The following PHF21B variants were observed in gnomAD, a reference collection of about 807,000 sequenced individuals.
PHF21B encodes PHD finger protein 4.
A neutral mutation model predicts 62.2 loss-of-function variants in PHF21B; 22 were observed. The ratio of observed to expected loss-of-function variants is 0.35; its 90% confidence interval spans 0.25 to 0.51. PHF21B has a LOEUF of 0.51. Ranked by LOEUF, PHF21B falls within the 20% of genes least tolerant of loss-of-function variation. PHF21B has a pLI of 0.97. For synonymous variants in PHF21B, 341 were observed against 314.7 expected, an observed-to-expected ratio of 1.08 and a Z score of -0.88; for missense variants, 701 against 707.9, an observed-to-expected ratio of 0.99 and a Z score of 0.11.
chr22:44,938,711 A>C lies in PHF21B; in HGVS notation c.121-18221T>G, dbSNP rs984647926. Among the ~76,000 whole-genome samples the C allele has an allele frequency of 2.0e-5, 3 of 152,344 alleles. No homozygotes were observed. In the East Asian group the frequency reaches 5.8e-4, roughly 29 times the overall value. ...AAGATGCTTCATCTGGAATGGAATC[A>C]ATATTCATAGTTATGTCAATGAGGG... is the stretch of plus-strand genomic sequence containing the variant. On this transcript the variant is annotated intron_variant, in intron 2 of 12. Transcript: ENST00000313237.
At chr22:44,974,957 T>C (rs903234767) in intron 2 of PHF21B, among the ~76,000 whole-genome samples, 7 of 152,228 alleles carry the variant, frequency 4.6e-5, no homozygotes, top group African/African-American at 7.2e-5. Context: ...GGTGTTGTGA[T>C]GAGAAACAAA....
chr22:44,967,192 G>A (rs1293992100), intron 2 of PHF21B: 2 of 151,538 alleles, frequency 1.3e-5, no homozygotes, highest in South Asian at 4.2e-4. Flanking sequence ...GACAGAGGCC[G>A]GGCCACGACA....
chr22:45,001,974 G>C (rs2073228845), intron 2 of PHF21B: 1 of 152,210 alleles, frequency 6.6e-6, no homozygotes. Context: ...ATGAGCACGT[G>C]TTGCTTTTCT....
intron 5 of PHF21B, chr22:44,902,289 G>A (rs1267954490): frequency 1.2e-5 from 3 of 259,606 alleles, no homozygotes; most frequent in Non-Finnish European, 2.4e-5. Flanking sequence ...AAGATTACAG[G>A]GCAGCGCAAG....
At position 44,938,062 on chromosome 22, in the gene PHF21B, C is replaced by A. The variant is rs549735795; in HGVS notation, c.121-17572G>T. ...ATTTCAATGTATGCAAATTTTATCT[C>A]AAATTTTAAAAATCTATGTATTTTA... On this transcript the variant is annotated intron_variant, in intron 2 of 12. Transcript: ENST00000313237. Among the ~76,000 whole-genome samples the A allele has an allele frequency of 6.2e-4, 95 of 152,354 alleles. 1 individual carries two copies. The highest frequency in any genetic ancestry group is 2.3e-3 in the African/African-American group (94 of 41,582).
chr22:44,895,592 G>A (rs2071041682), intron 6 of PHF21B, among the ~76,000 whole-genome samples: 1 of 152,136 alleles, frequency 6.6e-6, no homozygotes, highest in African/African-American at 2.4e-5. Context: ...TTTTATACAT[G>A]AAGAGACTGA....
chr22:44,978,944 G>C (rs1212446578), intron 2 of PHF21B, among the ~76,000 whole-genome samples: 1 of 152,224 alleles, frequency 6.6e-6, no homozygotes, highest in Non-Finnish European at 1.5e-5. Context: ...TGGCCCCGGG[G>C]AGAAAACGCA....
intron 2 of PHF21B, among the ~76,000 whole-genome samples, chr22:44,965,410 C>G (rs1012174895): frequency 2.6e-5 from 4 of 152,084 alleles, no homozygotes; most frequent in African/African-American, 9.7e-5. Context: ...CACCATCTGT[C>G]CAGCCAGAAC....
At chr22:44,916,758 G>A in intron 3 of PHF21B, 128 bp from the exon 4 acceptor site, 1 of 854,674 alleles carries the variant, frequency 1.2e-6, no homozygotes, top group East Asian at 2.6e-5. Flanking sequence ...CACAGCGCCT[G>A]TCACGGCCTC....
rs150637729 is a variant in PHF21B, at chr22:44,881,215, C to T, written c.*1871G>A. The T allele has an allele frequency of 6.5e-5, 10 of 152,750 alleles. No individual in the cohort carries two copies. In the East Asian group the frequency reaches 1.4e-3, roughly 21 times the overall value. 9.5% of individuals were successfully genotyped at this position (152,750 alleles called of 1,614,324 possible). On this transcript the variant is annotated 3_prime_UTR_variant, in exon 13 of 13. Transcript: ENST00000313237. ...TTGTAAAGAAGGAAAACTACATTGG[C>T]GTATTTAAGACAAACACTTTTTCTC...
intron 2 of PHF21B, among the ~76,000 whole-genome samples, chr22:44,950,751 G>A (rs1191479126): frequency 1.8e-4 from 27 of 152,186 alleles, no homozygotes; most frequent in Admixed American, 1.8e-3. Context: ...ATCCATAATT[G>A]AAGCAGGGCT....
At chr22:44,952,075 G>A (rs1192060734) in intron 2 of PHF21B, among the ~76,000 whole-genome samples, 3 of 152,160 alleles carry the variant, frequency 2.0e-5, no homozygotes, top group African/African-American at 4.8e-5. Flanking sequence ...GGGTACGGTG[G>A]CTCACACCTG....
chr22:44,916,920 C>T (rs868769569), intron 3 of PHF21B, among the ~76,000 whole-genome samples: 6 of 152,318 alleles, frequency 3.9e-5, no homozygotes, highest in East Asian at 3.9e-4. Context: ...TGGAAGGCAG[C>T]GCTTGGGCGC....
chr22:44,999,448 G>A (rs533973871), intron 2 of PHF21B, among the ~76,000 whole-genome samples: 14 of 152,066 alleles, frequency 9.2e-5, no homozygotes, highest in Middle Eastern at 3.4e-3. Context: ...CACACTCCCC[G>A]GTGCTAAGCC....
chr22:44,978,212 G>A (rs2072774481), intron 2 of PHF21B, among the ~76,000 whole-genome samples: 1 of 152,124 alleles, frequency 6.6e-6, no homozygotes, highest in Non-Finnish European at 1.5e-5. Flanking sequence ...TTTACTAGAT[G>A]TTTCCGAATT....
intron 2 of PHF21B, among the ~76,000 whole-genome samples, chr22:44,943,355 G>C (rs1385441272): frequency 1.3e-5 from 2 of 152,272 alleles, no homozygotes; most frequent in East Asian, 1.9e-4. Flanking sequence ...AGCTGGCCCG[G>C]GGAGGCCAGA....
In PHF21B at chr22:44,913,976, T is replaced by C. The variant is rs779917919; in HGVS notation, c.677A>G (p.His226Arg). Residue 226 changes from histidine to arginine, a missense_variant, in exon 5 of 13, where the codon CAT becomes CGT. By Grantham distance (29) the His-to-Arg change is conservative. Coordinates refer to ENST00000313237, the MANE Select transcript of PHF21B (RefSeq NM_138415.5). ...AATGATGATGACCTGGAAGATGCCA[T>C]GGAGGGGTGAAGGGGACAGTGATGG... ...PSPSLSPSPL[H>R]GIFQVIIIQP... 2 of 1,208,946 alleles carry C rather than the reference T, an allele frequency of 1.7e-6. No homozygotes were observed. Among genetic ancestry groups the C allele is most frequent in the Non-Finnish European group, 2.1e-6 (2 of 943,490 alleles). 74.9% of individuals were successfully genotyped at this position (1,208,946 alleles called of 1,614,324 possible).
intron 2 of PHF21B, among the ~76,000 whole-genome samples, chr22:44,979,570 G>A (rs557573873): frequency 1.3e-5 from 2 of 152,318 alleles, no homozygotes; most frequent in South Asian, 4.1e-4. Flanking sequence ...ACTCTGGCCT[G>A]TGACGTGCCC....
intron 2 of PHF21B, among the ~76,000 whole-genome samples, chr22:44,937,448 G>A (rs561650576): frequency 1.3e-5 from 2 of 152,304 alleles, no homozygotes; most frequent in South Asian, 2.1e-4. Context: ...GGGCCATCAC[G>A]GAGTAGCCGG....
Sources: allele counts gnomAD v4.1 joint callset (sites outside exome capture counted in the v4.1 genomes callset), GRCh38; gene constraint gnomAD v4.1.1; transcripts MANE v1.5; gene names NCBI Gene and HGNC (gene_info 2026-07-23, HGNC 2026-07-21).